The following USP1 variants were observed in gnomAD, a reference collection of about 807,000 sequenced individuals.
USP1 encodes the protein ubiquitin carboxyl-terminal hydrolase 1.
Under a neutral mutation model 72.2 loss-of-function variants are expected in USP1, and 18 were observed. That is an observed-to-expected ratio of 0.25 (90% CI 0.17 to 0.37). The LOEUF (loss-of-function observed/expected upper bound fraction) is 0.37. USP1 is among the 10% of genes least tolerant of loss of function. USP1 has a pLI of 1.00. For synonymous variants in USP1, 354 were observed against 303.7 expected (o/e 1.17, Z -1.72); for missense variants, 759 against 884.9 (o/e 0.86, Z 1.81).
intron 3 of USP1, among the ~76,000 whole-genome samples, 174 bp downstream of exon 3, chr1:62,441,782 G>A (rs989445231): frequency 6.6e-6 from 1 of 152,170 alleles, no homozygotes; most frequent in African/African-American, 2.4e-5. Flanking sequence ...TTCCTTTGGG[G>A]TAAGAGAAAA....
intron 1 of USP1, 83 bp downstream of exon 1, chr1:62,437,483 C>A (rs1344096245): frequency 2.8e-5 from 8 of 284,080 alleles, no homozygotes; most frequent in East Asian, 5.5e-5. Context: ...GCCGGGGAGA[C>A]CCCGGGACCG....
At position 62,444,813 on chromosome 1, in the gene USP1, T is replaced by G; in HGVS notation, c.633T>G (p.Ile211Met). Residue 211 changes from isoleucine (I) to methionine (M), a missense_variant, in exon 6 of 9, where the codon ATT (isoleucine) becomes ATG (methionine). Around this residue, in one of 9 missense-constraint regions of USP1, gnomAD observed 245 missense variants for 240.7 expected, o/e 1.02. Coordinates refer to ENST00000339950, the MANE Select transcript of USP1 (RefSeq NM_003368.5). ...TATTACAATGTATTTTGGGAAACAT[T>G]CAAGAAACATGCCAACTCCTAAAAA... is the stretch of plus-strand genomic sequence containing the variant. ...QEVLQCILGN[I>M]QETCQLLKKE... The G allele has an allele frequency of 6.2e-7, 1 of 1,613,352 alleles. No individual in the cohort carries two copies. The highest frequency in any genetic ancestry group is 8.5e-7 in the Non-Finnish European group (1 of 1,179,724).
chr1:62,445,756 A>G (rs1243589535), intron 6 of USP1, among the ~76,000 whole-genome samples: 9 of 152,174 alleles, frequency 5.9e-5, no homozygotes, highest in Non-Finnish European at 1.2e-4. Context: ...AGGCGGGCAG[A>G]TCACCTGCGG....
intron 6 of USP1, 117 bp downstream of exon 6, chr1:62,445,546 GA>G: frequency 1.1e-6 from 1 of 929,600 alleles, no homozygotes. Flanking sequence ...TCAAGAGAAG[GA>G]AATTTAACAC....
At chr1:62,437,840 A>G (rs545378237) in intron 1 of USP1, among the ~76,000 whole-genome samples, 13 of 152,382 alleles carry the variant, frequency 8.5e-5, no homozygotes, top group South Asian at 2.1e-4. Context: ...AGAAGTGTTT[A>G]GAACGCCGCG....
intron 1 of USP1, among the ~76,000 whole-genome samples, chr1:62,438,745 G>C (rs916005475): frequency 1.3e-5 from 2 of 152,096 alleles, no homozygotes; most frequent in African/African-American, 4.8e-5. Flanking sequence ...CTTTAAAACA[G>C]GGTGGGAAAG....
rs549762464 is a variant in USP1 at position 62,449,327 on chromosome 1, T to C, written c.1622+661T>C. 2.8e-4 allele frequency among the ~76,000 whole-genome samples: 42 copies of C among 152,340 alleles called. 1 individual carries two copies. The South Asian group carries it at 8.3e-3, about 30-fold the overall frequency. On this transcript the variant is annotated intron_variant, in intron 8 of 8. Transcript: ENST00000339950. ...GGAAAGGCTAAATTCTTCCTAGTTTTAAGGTAAGCCAGGAAATCAAACTAG... is the reference window on the plus strand; with the variant it reads ...GGAAAGGCTAAATTCTTCCTAGTTTCAAGGTAAGCCAGGAAATCAAACTAG...
intron 6 of USP1, 128 bp downstream of exon 6, chr1:62,445,557 CTGAA>C (rs1571136282): frequency 7.2e-6 from 6 of 835,478 alleles, no homozygotes; most frequent in East Asian, 2.8e-5. Context: ...AAATTTAACA[CTGAA>C]TGTGAACTAT....
In USP1 at chr1:62,440,674, A is replaced by G. The variant is rs1170422648; in HGVS notation, c.170+637A>G. On this transcript the variant is annotated intron_variant, in intron 2 of 8. Coordinates refer to ENST00000339950, the MANE Select transcript of USP1 (RefSeq NM_003368.5). ...CCCATGTGTTAATTTCCTAATAGCTATCAATAACCAGTTGAGGAGATTTGT... is the reference window on the plus strand; with the variant it reads ...CCCATGTGTTAATTTCCTAATAGCTGTCAATAACCAGTTGAGGAGATTTGT... Among the ~76,000 whole-genome samples the G allele has an allele frequency of 5.9e-5, 9 of 152,202 alleles. No homozygotes were observed. The South Asian group carries it at 1.9e-3, about 32-fold the overall frequency.
intron 5 of USP1, among the ~76,000 whole-genome samples, chr1:62,444,272 AAAAAAAAAG>A (rs995329156): frequency 4.2e-5 from 6 of 144,174 alleles, no homozygotes; most frequent in African/African-American, 1.6e-4. Context: ...AAAAAAAAAA[AAAAAAAAAG>A]GCCATTGTAG....
At chr1:62,437,541 C>T (rs1225539770) in intron 1 of USP1, 141 bp downstream of exon 1, 5 of 197,414 alleles carry the variant, frequency 2.5e-5, no homozygotes, top group Non-Finnish European at 4.1e-5. Flanking sequence ...CCGTGTGTGC[C>T]TCGGGCGTGG....
chr1:62,444,447 C>T (rs1645155894), intron 5 of USP1, among the ~76,000 whole-genome samples: 2 of 151,896 alleles, frequency 1.3e-5, no homozygotes, highest in African/African-American at 4.8e-5. Flanking sequence ...ATAATGTATA[C>T]ATAGGAGATA....
In USP1 at chr1:62,445,065, G is replaced by T. The variant is rs367727258; in HGVS notation, c.885G>T (p.Glu295Asp). ...CCAAGGAACACCAGTCATTGGAAGAGAACCAGAGACAAACTAGATCAAAAA... is the reference window on the plus strand; with the variant it reads ...CCAAGGAACACCAGTCATTGGAAGATAACCAGAGACAAACTAGATCAAAAA... ...KLSKEHQSLE[E>D]NQRQTRSKRK... The change falls in exon 6 of 9, where the codon GAG becomes GAT. Residue 295 changes from glutamate (E) to aspartate (D), a missense_variant. Physicochemically the swap from Glu to Asp is conservative, Grantham distance 45 (BLOSUM62 2). Around this residue, in one of 9 missense-constraint regions of USP1, gnomAD observed 245 missense variants for 240.7 expected, o/e 1.02. Coordinates refer to ENST00000339950, the MANE Select transcript of USP1 (RefSeq NM_003368.5). The T allele has an allele frequency of 3.7e-6, 6 of 1,612,294 alleles. No homozygotes were observed. The highest frequency in any genetic ancestry group is 3.3e-5 in the South Asian group (3 of 90,622).
rs369456194 is a variant in USP1 at position 62,437,412 on chromosome 1, C to G, written c.-70+12C>G. The G allele has an allele frequency of 7.6e-4, 287 of 375,262 alleles. No homozygotes were observed. The East Asian group carries it at 0.011, about 14-fold the overall frequency. The allele number at this position is 375,262 out of a possible 1,614,324, so 23.2% of individuals were successfully genotyped here. On this transcript the variant is annotated intron_variant, in intron 1 of 8. Coordinates refer to ENST00000339950, the MANE Select transcript of USP1 (RefSeq NM_003368.5). ...TGGGCCATGACCAGGTAAGGAGGGC[C>G]TGGGAGGAGGGGCCGGCTCCCGGGC... is the stretch of plus-strand genomic sequence containing the variant.
At chr1:62,438,105 T>C (rs938657864) in intron 1 of USP1, among the ~76,000 whole-genome samples, 8 of 152,212 alleles carry the variant, frequency 5.3e-5, no homozygotes, top group Admixed American at 1.3e-4. Context: ...GGCAAAATGT[T>C]ACATTCTCGG....
intron 2 of USP1, 89 bp from the exon 3 acceptor site, chr1:62,441,397 CTT>C: frequency 7.3e-7 from 1 of 1,374,958 alleles, no homozygotes. Flanking sequence ...GATTATACAA[CTT>C]TTGGGAAAAG....
chr1:62,440,237 A>C (rs374687896), intron 2 of USP1, among the ~76,000 whole-genome samples, 200 bp downstream of exon 2: 18 of 152,270 alleles, frequency 1.2e-4, no homozygotes, highest in Admixed American at 5.2e-4. Context: ...ATAATGTTTA[A>C]CTCATGTTAA....
At position 62,444,594 on chromosome 1, in the gene USP1, T is replaced by A. The variant is rs192720438; in HGVS notation, c.558-144T>A. 211 of 629,880 alleles carry A rather than the reference T, an allele frequency of 3.3e-4. No homozygotes were observed. In the African/African-American group the frequency reaches 3.9e-3, roughly 12 times the overall value. The allele number at this position is 629,880 out of a possible 1,614,324, so 39.0% of individuals were successfully genotyped here. Reference sequence around the variant, plus strand: ...CTTACTTTTAGTTACAGATAAGAAATTCCAAATTAGTGCTGAATAAATGTC... The same window carrying A: ...CTTACTTTTAGTTACAGATAAGAAAATCCAAATTAGTGCTGAATAAATGTC... On this transcript the variant is annotated intron_variant, in intron 5 of 8. Transcript: ENST00000339950.
At chr1:62,443,046 A>T in intron 4 of USP1, 113 bp from the exon 5 acceptor site, 1 of 1,098,058 alleles carries the variant, frequency 9.1e-7, no homozygotes, top group Non-Finnish European at 1.3e-6. Context: ...CCTTAAAATT[A>T]GTGCTATTAT....
Sources: gnomAD v4.1 joint callset for allele counts (sites outside exome capture counted in the v4.1 genomes callset) on GRCh38, gnomAD v4.1.1 for gene constraint, gnomAD v4.1.1 regional missense constraint, MANE v1.5 for transcripts, NCBI Gene and HGNC (gene_info 2026-07-23, HGNC 2026-07-21) for gene names.